MCC: variants seen among roughly 807,000 people sequenced by gnomAD.
MCC encodes the protein colorectal mutant cancer protein.
A neutral mutation model predicts 116.2 loss-of-function variants in MCC; 90 were observed. The observed-to-expected ratio is 0.77, with a 90% CI of 0.65 to 0.92. MCC has a LOEUF of 0.92. MCC is among the 40% of genes least tolerant of loss of function. The pLI, the probability that MCC is intolerant of heterozygous loss-of-function variation, is 0.00. For missense variants in MCC, 1,516 were observed against 1,312.2 expected (o/e 1.16, Z -2.40); for synonymous variants, 578 against 510.5 (o/e 1.13, Z -1.78).
chr5:113,118,362 T>TA (rs144404238), intron 6 of MCC, among the ~76,000 whole-genome samples: 2,114 of 152,174 alleles, frequency 0.014, 57 homozygotes, highest in African/African-American at 0.046. Context: ...GTAATTTTTT[T>TA]AAAAAAAACA....
chr5:113,298,739 C>A (rs988751919), intron 3 of MCC, among the ~76,000 whole-genome samples: 1 of 152,038 alleles, frequency 6.6e-6, no homozygotes, highest in Non-Finnish European at 1.5e-5. Context: ...AACAAGAGAA[C>A]GAGAGAGTGT....
intron 3 of MCC, among the ~76,000 whole-genome samples, chr5:113,227,509 T>C (rs1362563720): frequency 6.6e-6 from 1 of 152,216 alleles, no homozygotes; most frequent in Non-Finnish European, 1.5e-5. Context: ...CAAATTTGAA[T>C]TCAGCTCCTA....
intron 2 of MCC, among the ~76,000 whole-genome samples, chr5:113,381,563 A>T (rs1769122087): frequency 6.6e-6 from 1 of 152,060 alleles, no homozygotes; most frequent in East Asian, 1.9e-4. Context: ...TGAGGCAGGA[A>T]GATGGCTTGA....
At chr5:113,130,442 G>A (rs527924701) in intron 5 of MCC, among the ~76,000 whole-genome samples, 16 of 152,100 alleles carry the variant, frequency 1.1e-4, no homozygotes, top group African/African-American at 2.9e-4. Flanking sequence ...AAACCTGCAC[G>A]TTCTGCAGAT....
intron 3 of MCC, among the ~76,000 whole-genome samples, chr5:113,188,387 T>C (rs544697189): frequency 4.5e-4 from 68 of 152,328 alleles, no homozygotes; most frequent in African/African-American, 1.6e-3. Flanking sequence ...CAGAGTCACA[T>C]GTTCTGCCAT....
At chr5:113,105,310 T>C (rs778064552) in intron 6 of MCC, among the ~76,000 whole-genome samples, 1 of 152,230 alleles carries the variant, frequency 6.6e-6, no homozygotes, top group Admixed American at 6.5e-5. Flanking sequence ...ACAGGTTCCA[T>C]GTACTAAAAT....
rs558162397 is a variant in MCC at position 113,104,830 on chromosome 5, C to A, written c.1028-475G>T. Among the ~76,000 whole-genome samples, 187 of 152,290 alleles carry A rather than the reference C, an allele frequency of 1.2e-3. 1 individual carries two copies. The highest frequency in any genetic ancestry group is 2.3e-3 in the Non-Finnish European group (158 of 68,008). ...TCCTTGCCCTCAATGAGCCTAAAAC[C>A]AAGAACTTTTCCATGATAGAACCAA... On this transcript the variant is annotated intron_variant, in intron 6 of 18. Coordinates refer to ENST00000408903, the MANE Select transcript of MCC (RefSeq NM_001085377.2).
At chr5:113,130,523 G>T (rs1038842040) in intron 5 of MCC, among the ~76,000 whole-genome samples, 3 of 152,140 alleles carry the variant, frequency 2.0e-5, no homozygotes, top group African/African-American at 7.2e-5. Context: ...AGCCTGCTAT[G>T]GTTTGAATGA....
At chr5:113,389,052 A>G (rs1769341976) in intron 1 of MCC, among the ~76,000 whole-genome samples, 1 of 152,238 alleles carries the variant, frequency 6.6e-6, no homozygotes, top group African/African-American at 2.4e-5. Context: ...ACAATCATCT[A>G]TACATGTGTT....
At chr5:113,042,015 C>G (rs1751739094) in intron 17 of MCC, among the ~76,000 whole-genome samples, 1 of 151,242 alleles carries the variant, frequency 6.6e-6, no homozygotes, top group Non-Finnish European at 1.5e-5. Flanking sequence ...AAAACAAAAC[C>G]TCTCGAACAG....
rs1413314471 is a variant in MCC at position 113,031,921 on chromosome 5, G to A, written c.2757-2865C>T. ...GAGTGGGGAGTAGCCATTGCTGGGA[G>A]CTTAGAACTGCCTGGCCTTCAGAAG... is the stretch of plus-strand genomic sequence containing the variant. On this transcript the variant is annotated intron_variant, in intron 17 of 18. Transcript: ENST00000408903. Among the ~76,000 whole-genome samples, 3 of 152,284 alleles carry A rather than the reference G, an allele frequency of 2.0e-5. No homozygotes were observed. In the East Asian group the frequency reaches 5.8e-4, roughly 29 times the overall value.
At chr5:113,145,835 C>T (rs1195878890) in intron 4 of MCC, among the ~76,000 whole-genome samples, 1 of 150,830 alleles carries the variant, frequency 6.6e-6, no homozygotes, top group East Asian at 2.0e-4. Context: ...CCCAGGATAC[C>T]AGATGGAGAG....
At chr5:113,482,300 G>A (rs552011715) in intron 1 of MCC, among the ~76,000 whole-genome samples, 2 of 152,084 alleles carry the variant, frequency 1.3e-5, no homozygotes, top group African/African-American at 2.4e-5. Flanking sequence ...GGGGTCATAC[G>A]CCAATTCTAT....
chr5:113,255,447 T>A (rs552117784), intron 3 of MCC, among the ~76,000 whole-genome samples: 14 of 152,328 alleles, frequency 9.2e-5, no homozygotes, highest in African/African-American at 3.4e-4. Flanking sequence ...CCCCCATATC[T>A]ACTTAAGACT....
intron 3 of MCC, among the ~76,000 whole-genome samples, chr5:113,264,378 C>A (rs1765337165): frequency 6.6e-6 from 1 of 152,176 alleles, no homozygotes; most frequent in Admixed American, 6.5e-5. Context: ...TTATTAGCTC[C>A]CAGCTTGAAA....
chr5:113,124,316 T>G (rs554132078), intron 5 of MCC, among the ~76,000 whole-genome samples: 1 of 152,348 alleles, frequency 6.6e-6, no homozygotes, highest in African/African-American at 2.4e-5. Flanking sequence ...TACAGGATGA[T>G]TGTGCACTGA....
chr5:113,032,350 G>C (rs1404869815), intron 17 of MCC, among the ~76,000 whole-genome samples: 1 of 148,244 alleles, frequency 6.7e-6, no homozygotes, highest in Admixed American at 6.8e-5. Flanking sequence ...GGAGGTTGCA[G>C]TAAGCCGAGA....
chr5:113,288,470 A>C (rs1475689525), intron 3 of MCC, among the ~76,000 whole-genome samples: 1 of 152,192 alleles, frequency 6.6e-6, no homozygotes, highest in Non-Finnish European at 1.5e-5. Context: ...ACCCCCACTG[A>C]ATGAGGATCA....
intron 2 of MCC, among the ~76,000 whole-genome samples, chr5:113,359,119 A>G (rs1458797635): frequency 6.6e-6 from 1 of 152,194 alleles, no homozygotes; most frequent in African/African-American, 2.4e-5. Flanking sequence ...GTCTGTCTTC[A>G]GGAAGTGAGC....
Sources: gnomAD v4.1 joint callset for allele counts (sites outside exome capture counted in the v4.1 genomes callset) on GRCh38, gnomAD v4.1.1 for gene constraint, MANE v1.5 for transcripts, NCBI Gene and HGNC (gene_info 2026-07-23, HGNC 2026-07-21) for gene names.